The following WDR72 variants were observed in gnomAD, a reference collection of about 807,000 sequenced individuals.
WDR72 encodes the protein WD repeat domain 72, also known as WD repeat-containing protein 72.
A neutral mutation model predicts 124.2 loss-of-function variants in WDR72; 120 were observed. The observed-to-expected ratio is 0.97, with a 90% confidence interval of 0.83 to 1.12. The LOEUF (loss-of-function observed/expected upper bound fraction) is 1.12. Among genes scored for constraint, WDR72 ranks in the 50% most tolerant of loss-of-function variants. The pLI, the probability that WDR72 is intolerant of heterozygous loss-of-function variation, is 0.00. For synonymous variants in WDR72, 452 were observed against 441.7 expected (o/e 1.02, Z -0.29); for missense variants, 1,387 against 1,278.8 (o/e 1.08, Z -1.29).
intron 13 of WDR72, among the ~76,000 whole-genome samples, chr15:53,694,632 C>T (rs762565764): frequency 2.5e-4 from 38 of 152,082 alleles, no homozygotes; most frequent in Non-Finnish European, 3.8e-4. Context: ...TTGCATTGCA[C>T]GATAAGTGAA....
At chr15:53,666,551 C>T (rs2015786229) in intron 13 of WDR72, among the ~76,000 whole-genome samples, 1 of 152,230 alleles carries the variant, frequency 6.6e-6, no homozygotes, top group African/African-American at 2.4e-5. Context: ...CTTATGAGTT[C>T]ATTTGTATTA....
rs374805322 is a variant in WDR72, at chr15:53,708,753, G to T, written c.954+2104C>A. Among the ~76,000 whole-genome samples, 4 of 152,082 alleles carry T rather than the reference G, an allele frequency of 2.6e-5. No individual in the cohort carries two copies. In the East Asian group the frequency reaches 5.8e-4, roughly 22 times the overall value. On this transcript the variant is annotated intron_variant, in intron 9 of 19. Coordinates refer to ENST00000360509, the MANE Select transcript of WDR72 (RefSeq NM_182758.4). ...ACACATTTTTTATTTGCAATTCTTA[G>T]GCTGTTTCTATCCCAGCTATTCCCA...
chr15:53,688,686 C>T (rs868326158), intron 13 of WDR72, among the ~76,000 whole-genome samples: 3 of 152,200 alleles, frequency 2.0e-5, no homozygotes, highest in African/African-American at 7.2e-5. Context: ...GCTACCAATG[C>T]CTTTCTTCAC....
chr15:53,686,479 G>A (rs1322970064), intron 13 of WDR72, among the ~76,000 whole-genome samples: 1 of 151,362 alleles, frequency 6.6e-6, no homozygotes, highest in Non-Finnish European at 1.5e-5. Context: ...ATTACATAAT[G>A]GTAAAGGGAT....
intron 14 of WDR72, among the ~76,000 whole-genome samples, chr15:53,657,263 C>CAAAAAA (rs10549551): frequency 2.7e-3 from 150 of 56,400 alleles, no homozygotes; most frequent in East Asian, 5.1e-3. Context: ...GACTCCATCT[C>CAAAAAA]AAAAAAAAAA....
chr15:53,651,327 A>T (rs1366199585), intron 14 of WDR72, among the ~76,000 whole-genome samples: 1 of 152,078 alleles, frequency 6.6e-6, no homozygotes, highest in Non-Finnish European at 1.5e-5. Flanking sequence ...TGTCTATCAA[A>T]CTGCCCAACA....
At chr15:53,759,084 C>T (rs1397449594) in intron 1 of WDR72, among the ~76,000 whole-genome samples, 6 of 152,144 alleles carry the variant, frequency 3.9e-5, no homozygotes, top group African/African-American at 1.4e-4. Flanking sequence ...TTCGCCAGCC[C>T]CCGTCCCCAC....
intron 18 of WDR72, among the ~76,000 whole-genome samples, chr15:53,558,351 G>A (rs1387233539): frequency 1.3e-5 from 2 of 151,938 alleles, no homozygotes; most frequent in Non-Finnish European, 2.9e-5. Context: ...AACCATTCAA[G>A]CCAAACATAT....
intron 18 of WDR72, among the ~76,000 whole-genome samples, chr15:53,596,843 G>A (rs533516583): frequency 5.3e-5 from 8 of 152,120 alleles, no homozygotes; most frequent in Non-Finnish European, 7.4e-5. Context: ...TCTAAGTAGC[G>A]ATGCTCCTCA....
intron 11 of WDR72, among the ~76,000 whole-genome samples, chr15:53,704,562 T>C (rs1032592828): frequency 1.3e-5 from 2 of 151,676 alleles, no homozygotes; most frequent in Non-Finnish European, 2.9e-5. Flanking sequence ...AGTCTTGCCC[T>C]GTTGCCCAGG....
At chr15:53,748,418 T>C (rs2018695200) in intron 1 of WDR72, among the ~76,000 whole-genome samples, 1 of 152,170 alleles carries the variant, frequency 6.6e-6, no homozygotes, top group Admixed American at 6.5e-5. Flanking sequence ...ATCATAAGTG[T>C]CCATAAAATC....
intron 18 of WDR72, among the ~76,000 whole-genome samples, chr15:53,529,161 TA>T (rs1337531510): frequency 0.013 from 718 of 53,378 alleles, 2 homozygotes; most frequent in African/African-American, 0.026. Flanking sequence ...TATATATATA[TA>T]TATTTTTTTT....
intron 13 of WDR72, among the ~76,000 whole-genome samples, chr15:53,679,875 CATATT>C (rs2016317717): frequency 1.3e-5 from 2 of 150,002 alleles, no homozygotes; most frequent in Admixed American, 1.3e-4. Context: ...TGCACATATG[CATATT>C]ATATAATAAC....
At chr15:53,745,976 A>C (rs543523307) in intron 1 of WDR72, among the ~76,000 whole-genome samples, 1 of 152,150 alleles carries the variant, frequency 6.6e-6, no homozygotes, top group East Asian at 1.9e-4. Flanking sequence ...TTGCGATGTG[A>C]AATTCCTTCG....
chr15:53,678,637 C>T (rs964236548), intron 13 of WDR72, among the ~76,000 whole-genome samples: 1 of 152,186 alleles, frequency 6.6e-6, no homozygotes, highest in African/African-American at 2.4e-5. Context: ...CAGCCTTTGT[C>T]CTACCCAATT....
At chr15:53,702,842 T>C (rs573532788) in intron 11 of WDR72, among the ~76,000 whole-genome samples, 2 of 151,972 alleles carry the variant, frequency 1.3e-5, no homozygotes, top group Non-Finnish European at 2.9e-5. Flanking sequence ...TCTAAAAGAG[T>C]GAATACTTCG....
In WDR72 at chr15:53,654,445, T is replaced by G. The variant is rs145759684; in HGVS notation, c.1962+11127A>C. Among the ~76,000 whole-genome samples, 1,435 of 152,338 alleles carry G rather than the reference T, an allele frequency of 9.4e-3. 21 individuals are homozygous for G. Among genetic ancestry groups the G allele is most frequent in the African/African-American group, 0.032 (1,339 of 41,580 alleles). On this transcript the variant is annotated intron_variant, in intron 14 of 19. Coordinates refer to ENST00000360509, the MANE Select transcript of WDR72 (RefSeq NM_182758.4). ...TGATAATTATTTCCTGTTACAAAAC[T>G]GAAGTCTGATAAAATATAATAACTC...
chr15:53,517,160 C>T lies in WDR72; in HGVS notation c.*539G>A, dbSNP rs1246734428. 1 of 161,646 alleles carries T rather than the reference C, an allele frequency of 6.2e-6. No homozygotes were observed. Among genetic ancestry groups the T allele is most frequent in the Non-Finnish European group, 1.4e-5 (1 of 73,848 alleles). 10.0% of individuals were successfully genotyped at this position (161,646 alleles called of 1,614,324 possible). On this transcript the variant is annotated 3_prime_UTR_variant, in exon 20 of 20. Transcript: ENST00000360509. ...AATGGAACTGGGTATTTGTTGACAACATTTCATGCTTAGGGATGAGATTTA... is the reference window on the plus strand; with the variant it reads ...AATGGAACTGGGTATTTGTTGACAATATTTCATGCTTAGGGATGAGATTTA...
intron 18 of WDR72, among the ~76,000 whole-genome samples, chr15:53,579,094 T>C (rs554231028): frequency 1.3e-5 from 2 of 152,230 alleles, no homozygotes; most frequent in East Asian, 3.9e-4. Context: ...TGGTGAGCTA[T>C]GGTTGCTGAT....
Sources: allele counts gnomAD v4.1 joint callset (sites outside exome capture counted in the v4.1 genomes callset), GRCh38; gene constraint gnomAD v4.1.1; transcripts MANE v1.5; gene names NCBI Gene and HGNC (gene_info 2026-07-23, HGNC 2026-07-21).